MTFR1: variants seen among roughly 807,000 people sequenced by gnomAD.
MTFR1 encodes the protein chondrocyte protein with a poly-proline region.
In MTFR1, 28 loss-of-function variants were observed where a neutral mutation model predicts 38.8. The ratio of observed to expected loss-of-function variants is 0.72; its 90% CI spans 0.53 to 0.99. The LOEUF (loss-of-function observed/expected upper bound fraction) is 0.99. Among genes scored for constraint, MTFR1 ranks in the 50% least tolerant of loss-of-function variants. MTFR1 has a pLI of 0.00. For synonymous variants in MTFR1, 145 were observed against 137.0 expected (o/e 1.06, Z -0.41); for missense variants, 358 against 395.5 (o/e 0.91, Z 0.81).
chr8:65,670,050 G>T (rs752665323), intron 2 of MTFR1, 32 bp downstream of exon 2: 26 of 1,549,934 alleles, frequency 1.7e-5, no homozygotes, highest in Non-Finnish European at 2.2e-5. Flanking sequence ...TTTAAATCCC[G>T]ACATTTAGAT....
rs755776056 is a variant in MTFR1 at position 65,693,742 on chromosome 8, G to A, written c.264G>A (p.Glu88=). Residue 88 remains glutamate (E), a synonymous_variant, in exon 4 of 8, where the codon GAG becomes GAA. Coordinates refer to ENST00000262146, the MANE Select transcript of MTFR1 (RefSeq NM_014637.4). ...GATGGGTAGCCAAAGAAGAAGGAGA[G>A]TGTTCAGCAAGACTAAGGTTAGTTT... ...DVGWVAKEEG[E]CSARLRTEVR... 5 of 1,613,970 alleles carry A rather than the reference G, an allele frequency of 3.1e-6. No homozygotes were observed. In the South Asian group the frequency reaches 5.5e-5, roughly 18 times the overall value.
At position 65,745,367 on chromosome 8, in the gene MTFR1, T is replaced by C. The variant is rs780333746; in HGVS notation, c.*49-25580T>C. On this transcript the variant is annotated intron_variant, in intron 3 of 3. Transcript: ENST00000521247. ...CGGCTGCACCATCAATGCAGTAATCTAGACTACATTAACTTGAGCAAGTCA... is the reference window on the plus strand; with the variant it reads ...CGGCTGCACCATCAATGCAGTAATCCAGACTACATTAACTTGAGCAAGTCA... 40 of 1,139,690 alleles carry C rather than the reference T, an allele frequency of 3.5e-5. No individual in the cohort carries two copies. In the Admixed American group the frequency reaches 6.6e-4, roughly 19 times the overall value. 70.6% of individuals were successfully genotyped at this position (1,139,690 alleles called of 1,614,324 possible). A position where few individuals can be genotyped will look rare whatever the true frequency, so the allele number is the denominator to read the frequency against.
intron 3 of MTFR1, among the ~76,000 whole-genome samples, chr8:65,745,793 T>C (rs1007850080): frequency 3.9e-5 from 6 of 152,232 alleles, no homozygotes; most frequent in African/African-American, 1.4e-4. Context: ...GTGGTTCAAA[T>C]GTTGTATGGT....
chr8:65,653,026 G>C (rs1809162718), intron 1 of MTFR1, among the ~76,000 whole-genome samples: 1 of 152,170 alleles, frequency 6.6e-6, no homozygotes, highest in Admixed American at 6.5e-5. Flanking sequence ...TTCCTAAAGA[G>C]ATGATTTTAG....
chr8:65,652,006 C>T (rs79242482), intron 1 of MTFR1, among the ~76,000 whole-genome samples: 4,134 of 151,656 alleles, frequency 0.027, 134 homozygotes, highest in African/African-American at 0.078. Context: ...TCATCCAGGC[C>T]GGAGTGCAGC....
chr8:65,742,323 T>G (rs1807477571), intron 3 of MTFR1, among the ~76,000 whole-genome samples: 1 of 152,208 alleles, frequency 6.6e-6, no homozygotes, highest in Admixed American at 6.5e-5. Context: ...AGTGTCCTCA[T>G]GAACCAGGTG....
intron 2 of MTFR1, among the ~76,000 whole-genome samples, chr8:65,680,992 A>T (rs1804867345): frequency 6.8e-6 from 1 of 146,440 alleles, no homozygotes; most frequent in Non-Finnish European, 1.5e-5. Context: ...GGCTCACTGC[A>T]AGCTCCGCCT....
intron 1 of MTFR1, among the ~76,000 whole-genome samples, chr8:65,665,732 T>TC (rs1340890375): frequency 6.6e-6 from 1 of 152,192 alleles, no homozygotes; most frequent in African/African-American, 2.4e-5. Flanking sequence ...CAAGGGACCC[T>TC]CCTCCCTCAG....
At chr8:65,660,355 T>C (rs1809378513) in intron 1 of MTFR1, among the ~76,000 whole-genome samples, 1 of 150,606 alleles carries the variant, frequency 6.6e-6, no homozygotes. Flanking sequence ...ATATATCAAC[T>C]GGACTGGTCT....
intron 1 of MTFR1, among the ~76,000 whole-genome samples, chr8:65,666,275 C>A (rs898984694): frequency 6.7e-6 from 1 of 148,514 alleles, no homozygotes; most frequent in African/African-American, 2.5e-5. Context: ...GGTGTGGTGG[C>A]GCATGCCTGT....
chr8:65,695,798 G>C (rs545923783), intron 4 of MTFR1, among the ~76,000 whole-genome samples: 2 of 152,314 alleles, frequency 1.3e-5, no homozygotes, highest in African/African-American at 4.8e-5. Flanking sequence ...ATGGATATTG[G>C]TAAGGAAGGC....
At chr8:65,661,994 GCCCTCTCCCTCT>G (rs1054441860) in intron 1 of MTFR1, among the ~76,000 whole-genome samples, 2 of 143,640 alleles carry the variant, frequency 1.4e-5, no homozygotes, top group Admixed American at 1.5e-4. Flanking sequence ...AAGAGCAAAA[GCCCTCTCCCTCT>G]CCCTCTCTCT....
Position 65,682,532 on chromosome 8 carries a change from T to A in MTFR1, c.165+81T>A, listed in dbSNP as rs1019723959. ...ATAGGCAAGATGGTTTTAAAAGCAT[T>A]TTGTTTTTGAGACTTTTCACCAATT... On this transcript the variant is annotated intron_variant, in intron 3 of 7. Transcript: ENST00000262146. 6 of 838,806 alleles carry A rather than the reference T, an allele frequency of 7.2e-6. No homozygotes were observed. The South Asian group carries it at 2.8e-4, about 39-fold the overall frequency. The allele number at this position is 838,806 out of a possible 1,614,324, so 52.0% of individuals were successfully genotyped here.
chr8:65,679,126 G>C (rs889303774), intron 2 of MTFR1, among the ~76,000 whole-genome samples: 4 of 152,112 alleles, frequency 2.6e-5, no homozygotes, highest in Admixed American at 6.6e-5. Context: ...TTGCTGGAGG[G>C]GAGAAAGATT....
intron 3 of MTFR1, among the ~76,000 whole-genome samples, chr8:65,770,528 T>C (rs949233136): frequency 1.3e-5 from 2 of 152,164 alleles, no homozygotes; most frequent in African/African-American, 4.8e-5. Context: ...CCAGAACACA[T>C]GGGAATTATG....
rs776150590 is a variant in MTFR1, at chr8:65,656,076, A to G, written c.-81+11292A>G. On this transcript the variant is annotated intron_variant, in intron 1 of 7. Coordinates refer to ENST00000262146, the MANE Select transcript of MTFR1 (RefSeq NM_014637.4). The stretch of plus-strand genomic sequence containing the variant: ...CCAGGCATGGTGGTGCATGCCTGCA[A>G]TCCCAGCTACTCAGGAGGCTGAGGC... Among the ~76,000 whole-genome samples, 140 of 147,956 alleles carry G rather than the reference A, an allele frequency of 9.5e-4. No individual in the cohort carries two copies. The Middle Eastern group carries it at 0.01, about 11-fold the overall frequency.
At chr8:65,764,229 A>T (rs552601613) in intron 3 of MTFR1, among the ~76,000 whole-genome samples, 1 of 152,332 alleles carries the variant, frequency 6.6e-6, no homozygotes, top group South Asian at 2.1e-4. Flanking sequence ...ATCGCCATAA[A>T]CTATTAAAGA....
At chr8:65,726,741 A>T in intron 3 of MTFR1, 1 of 538,464 alleles carries the variant, frequency 1.9e-6, no homozygotes, top group Non-Finnish European at 3.4e-6. Flanking sequence ...AATTGTATAT[A>T]ATTTATTAAA....
At chr8:65,726,488 T>C in intron 3 of MTFR1, among the ~76,000 whole-genome samples, 1 of 152,190 alleles carries the variant, frequency 6.6e-6, no homozygotes, top group East Asian at 1.9e-4. Flanking sequence ...AATGAATCTA[T>C]TTAATGTAAT....
Sources: allele counts gnomAD v4.1 joint callset (sites outside exome capture counted in the v4.1 genomes callset), GRCh38; gene constraint gnomAD v4.1.1; transcripts MANE v1.5; gene names NCBI Gene and HGNC (gene_info 2026-07-23, HGNC 2026-07-21).